The following SIL1 variants were observed in gnomAD, a reference collection of about 807,000 sequenced individuals.
SIL1 encodes nucleotide exchange factor SIL1.
In SIL1, 40 loss-of-function variants were observed where a neutral mutation model predicts 49.1. The observed-to-expected ratio is 0.81, with a 90% CI of 0.63 to 1.06. The LOEUF (loss-of-function observed/expected upper bound fraction) is 1.06. Ranked by LOEUF, SIL1 falls within the 50% of genes least tolerant of loss-of-function variation. The pLI, the probability that SIL1 is intolerant of heterozygous loss-of-function variation, is 0.00. For missense variants in SIL1, 500 were observed against 572.6 expected (o/e 0.87, Z 1.29); for synonymous variants, 253 against 250.8 (o/e 1.01, Z -0.08).
At chr5:139,101,728 G>A (rs1340909579) in intron 3 of SIL1, among the ~76,000 whole-genome samples, 2 of 152,158 alleles carry the variant, frequency 1.3e-5, no homozygotes, top group Admixed American at 6.5e-5. Context: ...TTAGACACAG[G>A]TAGGTAGGCA....
chr5:139,064,767 C>G (rs576836570), intron 3 of SIL1, among the ~76,000 whole-genome samples: 1 of 152,314 alleles, frequency 6.6e-6, no homozygotes, highest in African/African-American at 2.4e-5. Flanking sequence ...TCAGGAAGAT[C>G]TGGTTCCAGG....
chr5:138,961,451 A>G (rs1446637276), intron 7 of SIL1, among the ~76,000 whole-genome samples: 1 of 152,256 alleles, frequency 6.6e-6, no homozygotes, highest in Admixed American at 6.5e-5. Flanking sequence ...CAGAATAAGC[A>G]GTAAGGACAG....
At chr5:139,037,665 T>TATATTGTTCAGTTCTA (rs1413651689) in intron 5 of SIL1, among the ~76,000 whole-genome samples, 1 of 152,234 alleles carries the variant, frequency 6.6e-6, no homozygotes, top group Non-Finnish European at 1.5e-5. Context: ...TTTTAGTTAT[T>TATATTGTTCAGTTCTA]ATATTGTTCA....
At chr5:139,116,082 C>T (rs1770981307) in intron 3 of SIL1, among the ~76,000 whole-genome samples, 1 of 152,206 alleles carries the variant, frequency 6.6e-6, no homozygotes, top group Non-Finnish European at 1.5e-5. Context: ...CACAGAGTCA[C>T]CCAGACCAGA....
chr5:139,177,975 G>T (rs1164170107), intron 1 of SIL1, among the ~76,000 whole-genome samples: 4 of 152,230 alleles, frequency 2.6e-5, no homozygotes, highest in Admixed American at 2.6e-4. Context: ...AAGGTGAAGG[G>T]GGTAGCCCTT....
intron 3 of SIL1, among the ~76,000 whole-genome samples, chr5:139,084,720 C>T (rs1770172259): frequency 6.9e-6 from 1 of 144,748 alleles, no homozygotes; most frequent in African/African-American, 2.6e-5. Context: ...ACCAGCATGG[C>T]ACATGTATAC....
intron 7 of SIL1, among the ~76,000 whole-genome samples, chr5:138,988,799 G>C (rs1164857097): frequency 6.6e-6 from 1 of 152,176 alleles, no homozygotes; most frequent in Non-Finnish European, 1.5e-5. Context: ...CTTGAGCCCA[G>C]GAGGTTGAAG....
At chr5:139,008,302 G>A (rs1768169344) in intron 7 of SIL1, among the ~76,000 whole-genome samples, 1 of 149,506 alleles carries the variant, frequency 6.7e-6, no homozygotes, top group African/African-American at 2.5e-5. Context: ...GGGATTGGTG[G>A]TGATATCCCC....
At chr5:139,102,693 A>C (rs1770618039) in intron 3 of SIL1, among the ~76,000 whole-genome samples, 1 of 149,378 alleles carries the variant, frequency 6.7e-6, no homozygotes, top group South Asian at 2.2e-4. Flanking sequence ...AACTAAGATC[A>C]AGGGCTGCTT....
intron 7 of SIL1, among the ~76,000 whole-genome samples, chr5:138,991,781 A>G (rs1767766521): frequency 1.3e-5 from 2 of 152,240 alleles, no homozygotes; most frequent in South Asian, 4.1e-4. Flanking sequence ...TATTTGGCAG[A>G]AGGAGAGAAG....
intron 3 of SIL1, among the ~76,000 whole-genome samples, chr5:139,116,703 C>T (rs960350015): frequency 3.3e-5 from 5 of 152,330 alleles, no homozygotes; most frequent in Admixed American, 1.3e-4. Flanking sequence ...ATGCAAACTC[C>T]TAGGCTCAAG....
chr5:139,175,570 T>C (rs1751863979), intron 1 of SIL1, among the ~76,000 whole-genome samples: 4 of 152,216 alleles, frequency 2.6e-5, no homozygotes, highest in African/African-American at 9.7e-5. Context: ...TCAATCCTTC[T>C]CAAACTTTTC....
intron 3 of SIL1, among the ~76,000 whole-genome samples, chr5:139,111,892 CG>C (rs1295050519): frequency 6.6e-6 from 1 of 152,174 alleles, no homozygotes. Context: ...CCTCTGATGC[CG>C]AGCCAAAGCT....
At chr5:139,053,295 C>T (rs1769333371) in intron 3 of SIL1, among the ~76,000 whole-genome samples, 1 of 152,172 alleles carries the variant, frequency 6.6e-6, no homozygotes, top group Non-Finnish European at 1.5e-5. Flanking sequence ...AATCTACCTC[C>T]CAAACTGGTT....
At chr5:139,185,942 C>A (rs1465830499) in intron 1 of SIL1, among the ~76,000 whole-genome samples, 7 of 152,316 alleles carry the variant, frequency 4.6e-5, no homozygotes, top group Admixed American at 1.3e-4. Flanking sequence ...CTTGGCTGAC[C>A]ACATTTAAGC....
chr5:139,197,135 G>A (rs1752289774), intron 1 of SIL1, among the ~76,000 whole-genome samples: 2 of 152,054 alleles, frequency 1.3e-5, no homozygotes, highest in South Asian at 4.2e-4. Flanking sequence ...GGGCACGATG[G>A]CGCATGCCTG....
chr5:139,057,301 C>T (rs1385346304), intron 3 of SIL1, among the ~76,000 whole-genome samples: 1 of 67,548 alleles, frequency 1.5e-5, no homozygotes, highest in African/African-American at 9.1e-5. Context: ...GAGAAACACC[C>T]AAGAATGATC....
Position 139,172,631 on chromosome 5 carries a change from C to CAA in SIL1, c.-11+25636_-11+25637dup, listed in dbSNP as rs57237412. Reference sequence around the variant, plus strand: ...CGGGGAATAGCGTGAGACTCCGTCTCAAAAAAAAAAAAAAAAGACAGACAA... The same window carrying CAA: ...CGGGGAATAGCGTGAGACTCCGTCTCAAAAAAAAAAAAAAAAAAGACAGACAA... On this transcript the variant is annotated intron_variant, in intron 1 of 9. Transcript: ENST00000394817. Among the ~76,000 whole-genome samples the CAA allele has an allele frequency of 4.8e-3, 527 of 109,264 alleles. 6 individuals are homozygous for CAA. Among genetic ancestry groups the CAA allele is most frequent in the Middle Eastern group, 0.022 (5 of 224 alleles). 71.7% of individuals were successfully genotyped at this position (109,264 alleles called of 152,430 possible). A position where few individuals can be genotyped will look rare whatever the true frequency, so the allele number is the denominator to read the frequency against.
intron 1 of SIL1, among the ~76,000 whole-genome samples, chr5:139,159,475 C>A (rs538634153): frequency 6.6e-6 from 1 of 152,302 alleles, no homozygotes. Flanking sequence ...CTTATTGCAC[C>A]AGGTTTGCAA....
Sources: gnomAD v4.1 joint callset for allele counts (sites outside exome capture counted in the v4.1 genomes callset) on GRCh38, gnomAD v4.1.1 for gene constraint, MANE v1.5 for transcripts, NCBI Gene and HGNC (gene_info 2026-07-23, HGNC 2026-07-21) for gene names.